CBL: variants seen among roughly 807,000 people sequenced by gnomAD.
CBL encodes E3 ubiquitin-protein ligase CBL.
In CBL, 45 loss-of-function variants were observed where a neutral mutation model predicts 96.9. The observed-to-expected ratio is 0.46, with a 90% CI of 0.37 to 0.60. The LOEUF (loss-of-function observed/expected upper bound fraction) is 0.60. Ranked by LOEUF, CBL falls within the 20% of genes least tolerant of loss-of-function variation. The pLI is 0.00. For missense variants in CBL, 1,024 were observed against 1,143.5 expected, an observed-to-expected ratio of 0.90 and a Z score of 1.51; for synonymous variants, 420 against 426.8, an observed-to-expected ratio of 0.98 and a Z score of 0.20.
intron 1 of CBL, among the ~76,000 whole-genome samples, chr11:119,215,833 GAAAA>G (rs371717786): frequency 6.9e-6 from 1 of 145,918 alleles, no homozygotes; most frequent in African/African-American, 2.5e-5. Context: ...TCTCAAAAAA[GAAAA>G]AAAAAAGATT....
intron 2 of CBL, among the ~76,000 whole-genome samples, chr11:119,245,313 A>G (rs528411620): frequency 2.0e-5 from 3 of 151,940 alleles, no homozygotes; most frequent in Non-Finnish European, 2.9e-5. Flanking sequence ...GAGCTTTTGT[A>G]TATATGGGTC....
chr11:119,225,674 T>C (rs1949452562), intron 1 of CBL, among the ~76,000 whole-genome samples: 1 of 151,986 alleles, frequency 6.6e-6, no homozygotes, highest in Admixed American at 6.6e-5. Flanking sequence ...GCTCCCAAGG[T>C]TCTGGGATTA....
At chr11:119,247,959 A>T (rs896235212) in intron 2 of CBL, among the ~76,000 whole-genome samples, 1 of 152,230 alleles carries the variant, frequency 6.6e-6, no homozygotes, top group African/African-American at 2.4e-5. Flanking sequence ...ACTACAAAAC[A>T]TTGCTGAAAG....
Position 119,301,023 on chromosome 11 carries a change from TG to T in CBL, c.*1246del, listed in dbSNP as rs1591271841. 4.3e-6 allele frequency: 1 copy of T among 233,554 alleles called. No homozygotes were observed. The highest frequency in any genetic ancestry group is 6.0e-5 in the East Asian group (1 of 16,592). The allele number at this position is 233,554 out of a possible 1,614,324, so 14.5% of individuals were successfully genotyped here. On this transcript the variant is annotated 3_prime_UTR_variant, in exon 16 of 16. Transcript: ENST00000264033. Reference sequence around the variant, plus strand: ...GTTTTTTCCTTTGCCCTTTAAGGAGTGGGGATAATGTCCACGGTGGCCCAGC... The same window carrying T: ...GTTTTTTCCTTTGCCCTTTAAGGAGTGGGATAATGTCCACGGTGGCCCAGC...
In CBL at chr11:119,304,532, G is replaced by A. The variant is rs1372379294; in HGVS notation, c.*4751G>A. 5.2e-5 allele frequency: 12 copies of A among 232,908 alleles called. No individual in the cohort carries two copies. The highest frequency in any genetic ancestry group is 1.1e-4 in the Admixed American group (2 of 17,756). The allele number at this position is 232,908 out of a possible 1,614,324, so 14.4% of individuals were successfully genotyped here. On this transcript the variant is annotated 3_prime_UTR_variant, in exon 16 of 16. Coordinates refer to ENST00000264033, the MANE Select transcript of CBL (RefSeq NM_005188.4). ...TCTCCCGCTTCACAGTCTGCTTATG[G>A]TATATGTGGCCCCCAAATAGGCACT...
chr11:119,245,656 G>C (rs1949622057), intron 2 of CBL, among the ~76,000 whole-genome samples: 1 of 152,096 alleles, frequency 6.6e-6, no homozygotes, highest in African/African-American at 2.4e-5. Context: ...TTGAACCTGG[G>C]AGGTGGAGGT....
rs116334782 is a variant in CBL at position 119,267,237 on chromosome 11, G to A, written c.444-4498G>A. Among the ~76,000 whole-genome samples, 115 of 152,284 alleles carry A rather than the reference G, an allele frequency of 7.6e-4. 1 individual carries two copies. The highest frequency in any genetic ancestry group is 2.6e-3 in the African/African-American group (107 of 41,572). ...GCTTTTTGGAGGGATGCATTCTGGA[G>A]TAGGAAAATGTCTTAAATTGATTTC... On this transcript the variant is annotated intron_variant, in intron 2 of 15. Transcript: ENST00000264033.
chr11:119,208,042 T>G (rs1949287956), intron 1 of CBL, among the ~76,000 whole-genome samples: 1 of 152,226 alleles, frequency 6.6e-6, no homozygotes, highest in South Asian at 2.1e-4. Context: ...GGTATTGTAA[T>G]TAATGACACA....
At chr11:119,279,445 A>T (rs1949915741) in intron 9 of CBL, among the ~76,000 whole-genome samples, 1 of 151,944 alleles carries the variant, frequency 6.6e-6, no homozygotes, top group Non-Finnish European at 1.5e-5. Context: ...CAGCAATTCG[A>T]CATAGCAAGA....
intron 6 of CBL, among the ~76,000 whole-genome samples, chr11:119,277,237 T>TCACACACACACA (rs1478200397): frequency 2.4e-3 from 140 of 57,902 alleles, no homozygotes; most frequent in African/African-American, 0.013. Context: ...TAAGAATCTG[T>TCACACACACACA]CGCGCACACA....
chr11:119,286,186 G>C (rs1949983503), intron 11 of CBL, among the ~76,000 whole-genome samples: 1 of 152,114 alleles, frequency 6.6e-6, no homozygotes, highest in African/African-American at 2.4e-5. Context: ...TGTAATTCCA[G>C]CTACTCAGGA....
intron 2 of CBL, among the ~76,000 whole-genome samples, chr11:119,258,063 C>A (rs1660474618): frequency 1.3e-5 from 2 of 151,910 alleles, no homozygotes; most frequent in Admixed American, 1.3e-4. Flanking sequence ...CCCCTGTCTA[C>A]CAAAAATATG....
chr11:119,212,418 G>C (rs1465177182), intron 1 of CBL, among the ~76,000 whole-genome samples: 4 of 147,804 alleles, frequency 2.7e-5, no homozygotes, highest in South Asian at 4.4e-4. Flanking sequence ...CTGAGGTCAG[G>C]AGTTCAAGAC....
intron 2 of CBL, among the ~76,000 whole-genome samples, chr11:119,270,004 A>G (rs1343708140): frequency 1.3e-5 from 2 of 152,210 alleles, no homozygotes; most frequent in African/African-American, 2.4e-5. Flanking sequence ...CTCAAAATAA[A>G]TAAATAAATA....
Position 119,298,545 on chromosome 11 carries a change from G to A in CBL, c.2434+5G>A, listed in dbSNP as rs2135321344. ...TGGATGGTGATCCTACAACAAGTGA[G>A]TCTCCAGACTACTTTGGGTTTGTCC... On this transcript the variant is annotated splice_donor_5th_base_variant and intron_variant, in intron 15 of 15. Coordinates refer to ENST00000264033, the MANE Select transcript of CBL (RefSeq NM_005188.4). The A allele has an allele frequency of 6.2e-7, 1 of 1,613,776 alleles. No homozygotes were observed. Among genetic ancestry groups the A allele is most frequent in the Non-Finnish European group, 8.5e-7 (1 of 1,179,658 alleles).
intron 1 of CBL, among the ~76,000 whole-genome samples, chr11:119,225,418 A>G (rs530642905): frequency 2.0e-5 from 3 of 151,840 alleles, no homozygotes; most frequent in Admixed American, 6.6e-5. Context: ...TTTTGTTTGG[A>G]GACAGGGTCT....
chr11:119,211,505 C>A (rs1016870524), intron 1 of CBL, among the ~76,000 whole-genome samples: 3 of 151,950 alleles, frequency 2.0e-5, no homozygotes, highest in African/African-American at 7.3e-5. Flanking sequence ...TGTTACAACT[C>A]TTTTTATTTT....
chr11:119,288,126 G>A (rs912907677), intron 12 of CBL, among the ~76,000 whole-genome samples, 180 bp downstream of exon 12: 1 of 152,098 alleles, frequency 6.6e-6, no homozygotes, highest in African/African-American at 2.4e-5. Context: ...CTGCATATGT[G>A]TACCTAGATC....
chr11:119,209,575 C>T (rs140761891), intron 1 of CBL, among the ~76,000 whole-genome samples: 16 of 152,174 alleles, frequency 1.1e-4, no homozygotes, highest in African/African-American at 3.6e-4. Flanking sequence ...CAAGATCGCA[C>T]CACTGCACTC....
Sources: gnomAD v4.1 joint callset for allele counts (sites outside exome capture counted in the v4.1 genomes callset) on GRCh38, gnomAD v4.1.1 for gene constraint, MANE v1.5 for transcripts, NCBI Gene and HGNC (gene_info 2026-07-23, HGNC 2026-07-21) for gene names.